The following RBFOX1 variants were observed in gnomAD, a reference collection of about 807,000 sequenced individuals.
The protein encoded by RBFOX1 is RNA binding fox-1 homolog 1.
In RBFOX1, 8 loss-of-function variants were observed where a neutral mutation model predicts 57.7. The ratio of observed to expected loss-of-function variants is 0.14; its 90% CI spans 0.08 to 0.25. The LOEUF (loss-of-function observed/expected upper bound fraction) is 0.25. Ranked by LOEUF, RBFOX1 falls within the 10% of genes least tolerant of loss-of-function variation. The probability of loss-of-function intolerance (pLI) is 1.00; values close to 1 mark genes in which losing one functional copy is unlikely to be tolerated. For missense variants in RBFOX1, 611 were observed against 548.5 expected (o/e 1.11, Z -1.14); for synonymous variants, 326 against 222.4 (o/e 1.47, Z -4.15).
intron 3 of RBFOX1, among the ~76,000 whole-genome samples, chr16:6,777,157 A>T (rs112827383): frequency 3.6e-5 from 5 of 138,042 alleles, no homozygotes; most frequent in Admixed American, 1.4e-4. Flanking sequence ...CATTTTCCAG[A>T]TATTTCTAGG....
At chr16:7,055,119 C>G (rs190561042) in intron 4 of RBFOX1, among the ~76,000 whole-genome samples, 3 of 152,040 alleles carry the variant, frequency 2.0e-5, no homozygotes. Flanking sequence ...TTAGGAAATA[C>G]CATGTTAAAA....
intron 2 of RBFOX1, among the ~76,000 whole-genome samples, chr16:6,406,147 A>G (rs867015726): frequency 2.7e-4 from 41 of 152,356 alleles, no homozygotes; most frequent in African/African-American, 9.9e-4. Context: ...GTGTTTTACA[A>G]GATGGCAACA....
chr16:7,099,743 A>G (rs548178795), intron 4 of RBFOX1, among the ~76,000 whole-genome samples: 21 of 152,300 alleles, frequency 1.4e-4, no homozygotes, highest in South Asian at 1.0e-3. Flanking sequence ...AGGTGTTTCC[A>G]GGTCATAGGT....
intron 2 of RBFOX1, among the ~76,000 whole-genome samples, chr16:5,591,890 T>G (rs1435348759): frequency 6.6e-6 from 1 of 152,176 alleles, no homozygotes; most frequent in East Asian, 1.9e-4. Flanking sequence ...ACTCGAAAAA[T>G]GGAATCCCTA....
chr16:6,409,815 T>A (rs1369863530), intron 2 of RBFOX1, among the ~76,000 whole-genome samples: 1 of 152,216 alleles, frequency 6.6e-6, no homozygotes, highest in African/African-American at 2.4e-5. Context: ...AGCTGCTTCA[T>A]ACACTGCTCA....
rs2091824762 is a variant in RBFOX1 at position 7,566,934 on chromosome 16, A to T, written c.271-12843A>T. On this transcript the variant is annotated intron_variant, in intron 5 of 15. Transcript: ENST00000550418. ...TTTTCATAAAACCTTCAGTGTATCC[A>T]TGAACAAAGAAATCGATTAAGAAAC... 2.0e-5 allele frequency among the ~76,000 whole-genome samples: 3 copies of T among 151,996 alleles called. No individual in the cohort carries two copies. In the South Asian group the frequency reaches 6.2e-4, roughly 32 times the overall value.
chr16:7,113,216 C>A (rs148584649), intron 4 of RBFOX1, among the ~76,000 whole-genome samples: 1 of 152,274 alleles, frequency 6.6e-6, no homozygotes, highest in Non-Finnish European at 1.5e-5. Flanking sequence ...GACCTGGAGT[C>A]TGCATATTCT....
intron 2 of RBFOX1, among the ~76,000 whole-genome samples, chr16:6,582,574 G>C (rs935084708): frequency 2.0e-5 from 3 of 151,272 alleles, no homozygotes; most frequent in Non-Finnish European, 4.4e-5. Flanking sequence ...CCTCCTCAAT[G>C]AAAGGTTAAA....
At chr16:5,923,436 G>A (rs564361093) in intron 4 of RBFOX1, among the ~76,000 whole-genome samples, 1 of 152,028 alleles carries the variant, frequency 6.6e-6, no homozygotes. Context: ...GCAAGGACAG[G>A]GGCACATGGG....
intron 3 of RBFOX1, among the ~76,000 whole-genome samples, chr16:5,723,604 C>G (rs1567449985): frequency 6.6e-6 from 1 of 151,778 alleles, no homozygotes. Flanking sequence ...GTGGTTGTCT[C>G]AGGCTTGGGC....
intron 4 of RBFOX1, among the ~76,000 whole-genome samples, chr16:7,060,580 C>A (rs2053942755): frequency 6.6e-6 from 1 of 152,124 alleles, no homozygotes; most frequent in African/African-American, 2.4e-5. Flanking sequence ...GGGCTGGAAA[C>A]ACAAAATAAA....
At chr16:7,152,699 A>G (rs1316574216) in intron 4 of RBFOX1, among the ~76,000 whole-genome samples, 1 of 152,196 alleles carries the variant, frequency 6.6e-6, no homozygotes, top group African/African-American at 2.4e-5. Flanking sequence ...CAGCATGGGC[A>G]AAATAAGTTG....
chr16:6,478,318 G>T (rs1597820659), intron 2 of RBFOX1, among the ~76,000 whole-genome samples: 1 of 136,310 alleles, frequency 7.3e-6, no homozygotes, highest in African/African-American at 2.8e-5. Flanking sequence ...CGCCTCCCAG[G>T]TTCAAGCGAT....
intron 3 of RBFOX1, among the ~76,000 whole-genome samples, chr16:5,631,927 C>A (rs371085152): frequency 6.6e-6 from 1 of 152,150 alleles, no homozygotes; most frequent in South Asian, 2.1e-4. Context: ...AGAGTGGAGA[C>A]AGTAGAAATG....
At chr16:5,307,233 C>T (rs910315901) in intron 1 of RBFOX1, among the ~76,000 whole-genome samples, 5 of 152,152 alleles carry the variant, frequency 3.3e-5, no homozygotes, top group African/African-American at 9.7e-5. Context: ...TTTAGGGAGG[C>T]ATCTGACAAG....
At chr16:7,491,225 T>A (rs897792491) in intron 4 of RBFOX1, among the ~76,000 whole-genome samples, 1 of 152,046 alleles carries the variant, frequency 6.6e-6, no homozygotes, top group Non-Finnish European at 1.5e-5. Context: ...GCCACATCCC[T>A]TTTTCTTGGG....
At chr16:5,663,036 G>A (rs1049487350) in intron 3 of RBFOX1, among the ~76,000 whole-genome samples, 1 of 152,148 alleles carries the variant, frequency 6.6e-6, no homozygotes, top group East Asian at 1.9e-4. Context: ...GCAATGTCTG[G>A]AGAAATTTTT....
rs76398024 is a variant in RBFOX1 at position 6,118,563 on chromosome 16, C to T, written c.-127+98571C>T. The stretch of plus-strand genomic sequence containing the variant: ...CGCCTCCTCCTTGTTCTCTTCCTTT[C>T]TCTTTCTCTTTCTCTCTCTCCTTCT... On this transcript the variant is annotated intron_variant, in intron 1 of 15. Coordinates refer to ENST00000550418, the MANE Select transcript of RBFOX1 (RefSeq NM_018723.4). Among the ~76,000 whole-genome samples the T allele has an allele frequency of 2.6e-3, 400 of 152,050 alleles. 2 individuals are homozygous for T. The highest frequency in any genetic ancestry group is 6.9e-3 in the African/African-American group (286 of 41,496).
chr16:6,505,013 C>T (rs1026298110), intron 2 of RBFOX1, among the ~76,000 whole-genome samples: 1 of 152,142 alleles, frequency 6.6e-6, no homozygotes, highest in Non-Finnish European at 1.5e-5. Flanking sequence ...GCAGAGGTTG[C>T]AGTGAGCCAA....
Sources: allele counts gnomAD v4.1 joint callset (sites outside exome capture counted in the v4.1 genomes callset), GRCh38; gene constraint gnomAD v4.1.1; transcripts MANE v1.5; gene names NCBI Gene and HGNC (gene_info 2026-07-23, HGNC 2026-07-21).